Variants in MAST4 observed in about 807,000 individuals in gnomAD.
MAST4 encodes the protein microtubule-associated serine/threonine-protein kinase 4.
MAST4 carries 89 observed loss-of-function variants against 162.7 expected under a neutral mutation model. The observed-to-expected ratio is 0.55, with a 90% CI of 0.46 to 0.65. The LOEUF is 0.65. Among genes scored for constraint, MAST4 ranks in the 30% least tolerant of loss-of-function variants. The pLI is 0.00. For synonymous variants in MAST4, 1,479 were observed against 1,361.1 expected (o/e 1.09, Z -1.91); for missense variants, 3,153 against 3,374.0 (o/e 0.93, Z 1.62).
intron 5 of MAST4, among the ~76,000 whole-genome samples, chr5:67,065,954 TAGAGGGTTCA>T (rs920560801): frequency 6.6e-6 from 1 of 152,202 alleles, no homozygotes; most frequent in African/African-American, 2.4e-5. Flanking sequence ...CCCAGAAGTT[TAGAGGGTTCA>T]AGCCTGGGGA....
chr5:67,114,554 A>C (rs1010820222), intron 12 of MAST4: 6 of 221,246 alleles, frequency 2.7e-5, no homozygotes, highest in African/African-American at 4.6e-5. Context: ...TGGGCTCTTG[A>C]GAGTACTTCT....
At chr5:66,646,678 C>T (rs190492548) in intron 1 of MAST4, among the ~76,000 whole-genome samples, 1 of 152,262 alleles carries the variant, frequency 6.6e-6, no homozygotes, top group East Asian at 1.9e-4. Flanking sequence ...TACTTAACTC[C>T]AATTCATGTT....
intron 4 of MAST4, among the ~76,000 whole-genome samples, chr5:67,006,433 A>G (rs1460902737): frequency 6.6e-6 from 1 of 152,242 alleles, no homozygotes; most frequent in Non-Finnish European, 1.5e-5. Context: ...AAGACAACTA[A>G]TAAAGTTGAA....
chr5:67,088,143 T>A (rs1334363740), intron 5 of MAST4, among the ~76,000 whole-genome samples: 1 of 152,214 alleles, frequency 6.6e-6, no homozygotes, highest in Admixed American at 6.5e-5. Context: ...TTAAGTCAAT[T>A]CTTTGTTTCT....
At chr5:66,790,866 C>A (rs868632718) in intron 3 of MAST4, among the ~76,000 whole-genome samples, 1 of 148,686 alleles carries the variant, frequency 6.7e-6, no homozygotes, top group South Asian at 2.2e-4. Context: ...GAAAATACTT[C>A]ACAATTCATG....
intron 4 of MAST4, among the ~76,000 whole-genome samples, chr5:67,010,965 T>G (rs1752597137): frequency 6.6e-6 from 1 of 152,132 alleles, no homozygotes; most frequent in Admixed American, 6.5e-5. Context: ...CTCTGCACAT[T>G]CGTGGCTGGC....
intron 3 of MAST4, among the ~76,000 whole-genome samples, chr5:66,891,935 A>G (rs1029805276): frequency 2.0e-5 from 3 of 152,220 alleles, no homozygotes; most frequent in African/African-American, 7.2e-5. Context: ...CCCAAGACCC[A>G]GGTTCTACCA....
chr5:66,610,772 G>T (rs1579983003), intron 1 of MAST4, among the ~76,000 whole-genome samples: 3 of 152,234 alleles, frequency 2.0e-5, no homozygotes, highest in Admixed American at 2.0e-4. Flanking sequence ...TAAGCTGGAA[G>T]AAGGAACCCA....
chr5:66,621,507 A>G lies in MAST4; in HGVS notation c.363+24489A>G, dbSNP rs146107174. 9.2e-5 allele frequency among the ~76,000 whole-genome samples: 14 copies of G among 152,342 alleles called. No individual in the cohort carries two copies. The East Asian group carries it at 2.3e-3, about 25-fold the overall frequency. ...TATTTTGACTTGAAAGGCATTAGCC[A>G]TATCTTCTTATTTACTTGAGTGGTG... On this transcript the variant is annotated intron_variant, in intron 1 of 28. Coordinates refer to ENST00000403625, the MANE Select transcript of MAST4 (RefSeq NM_001164664.2).
intron 3 of MAST4, among the ~76,000 whole-genome samples, chr5:66,895,908 C>T (rs1158543254): frequency 6.6e-6 from 1 of 151,978 alleles, no homozygotes; most frequent in Non-Finnish European, 1.5e-5. Context: ...TACTGTATAC[C>T]CTTCTTCCAG....
intron 1 of MAST4, among the ~76,000 whole-genome samples, chr5:66,655,599 G>A (rs1017449768): frequency 3.9e-5 from 6 of 152,126 alleles, no homozygotes; most frequent in East Asian, 1.9e-4. Flanking sequence ...CAGCAAATAC[G>A]TAAACCTAGG....
intron 14 of MAST4, among the ~76,000 whole-genome samples, chr5:67,127,345 A>G (rs1472055315): frequency 6.6e-6 from 1 of 152,138 alleles, no homozygotes; most frequent in Non-Finnish European, 1.5e-5. Flanking sequence ...GTTTTTGCCC[A>G]TTCAGTATGT....
chr5:66,954,543 G>A (rs929377295), intron 4 of MAST4, among the ~76,000 whole-genome samples: 1 of 152,096 alleles, frequency 6.6e-6, no homozygotes, highest in African/African-American at 2.4e-5. Context: ...CCTTCTTGGA[G>A]CCTACACTCT....
intron 5 of MAST4, among the ~76,000 whole-genome samples, chr5:67,074,045 A>G (rs1761289499): frequency 6.6e-6 from 1 of 152,174 alleles, no homozygotes; most frequent in Admixed American, 6.5e-5. Context: ...CTTAGGACAT[A>G]TCTACAAGAA....
chr5:66,882,653 G>A (rs147033216), intron 3 of MAST4, among the ~76,000 whole-genome samples: 1 of 151,846 alleles, frequency 6.6e-6, no homozygotes, highest in East Asian at 1.9e-4. Flanking sequence ...CCATACATTT[G>A]CCACTGTATC....
intron 4 of MAST4, among the ~76,000 whole-genome samples, chr5:67,036,791 C>T (rs1011999148): frequency 3.0e-4 from 46 of 152,128 alleles, no homozygotes; most frequent in Admixed American, 2.6e-3. Flanking sequence ...GCATAACTCA[C>T]GGATACAGAG....
chr5:66,730,572 C>T (rs372538966), intron 1 of MAST4, among the ~76,000 whole-genome samples: 7 of 151,980 alleles, frequency 4.6e-5, no homozygotes, highest in African/African-American at 9.7e-5. Flanking sequence ...GACGGATTGC[C>T]GATCAGTGGT....
At chr5:66,798,646 T>C (rs1755770175) in intron 3 of MAST4, among the ~76,000 whole-genome samples, 1 of 152,224 alleles carries the variant, frequency 6.6e-6, no homozygotes, top group South Asian at 2.1e-4. Flanking sequence ...TAGTGAGTAA[T>C]AATTGGGTTC....
chr5:66,899,899 A>G, intron 3 of MAST4, 52 bp from the exon 4 acceptor site: 1 of 1,398,384 alleles, frequency 7.2e-7, no homozygotes, highest in Non-Finnish European at 9.6e-7. Context: ...GTATCCTAGT[A>G]ATCTAAGGTT....
Sources: allele counts gnomAD v4.1 joint callset (sites outside exome capture counted in the v4.1 genomes callset), GRCh38; gene constraint gnomAD v4.1.1; transcripts MANE v1.5; gene names NCBI Gene and HGNC (gene_info 2026-07-23, HGNC 2026-07-21).